SNTG1: variants seen among roughly 807,000 people sequenced by gnomAD.
The protein encoded by SNTG1 is gamma-1-syntrophin.
A neutral mutation model predicts 74.7 loss-of-function variants in SNTG1; 39 were observed. That is an observed-to-expected ratio of 0.52 (90% CI 0.40 to 0.68). The LOEUF is 0.68. Among genes scored for constraint, SNTG1 ranks in the 30% least tolerant of loss-of-function variants. The pLI is 0.00. For synonymous variants in SNTG1, 254 were observed against 217.1 expected, an observed-to-expected ratio of 1.17 and a Z score of -1.49; for missense variants, 685 against 609.5, an observed-to-expected ratio of 1.12 and a Z score of -1.30.
intron 18 of SNTG1, among the ~76,000 whole-genome samples, chr8:50,776,359 T>TG (rs899381969): frequency 4.7e-5 from 7 of 148,632 alleles, no homozygotes; most frequent in Non-Finnish European, 1.5e-5. Context: ...CCTTAACATA[T>TG]TTTAAGTCTC....
chr8:50,013,622 A>G (rs1257088176), intron 1 of SNTG1, among the ~76,000 whole-genome samples: 2 of 152,054 alleles, frequency 1.3e-5, no homozygotes, highest in African/African-American at 4.8e-5. Flanking sequence ...TTTTAAACTA[A>G]CACATAATAA....
rs552576414 is a variant in SNTG1, at chr8:50,514,680, C to T, written c.466+11800C>T. On this transcript the variant is annotated intron_variant, in intron 9 of 18. Transcript: ENST00000642720. Reference sequence around the variant, plus strand: ...TATTAGGGAGAATATTTTGTGTACACATAAGAAGAATGTATATTTTATTAT... The same window carrying T: ...TATTAGGGAGAATATTTTGTGTACATATAAGAAGAATGTATATTTTATTAT... Among the ~76,000 whole-genome samples the T allele has an allele frequency of 3.3e-5, 5 of 152,254 alleles. No homozygotes were observed. The East Asian group carries it at 5.8e-4, about 18-fold the overall frequency.
At chr8:50,177,150 CTTG>C (rs1397174269) in intron 2 of SNTG1, among the ~76,000 whole-genome samples, 2 of 152,292 alleles carry the variant, frequency 1.3e-5, no homozygotes, top group African/African-American at 4.8e-5. Context: ...TCTCATAAAT[CTTG>C]TTGTGTTAAA....
chr8:49,982,409 A>G (rs1812763625), intron 1 of SNTG1, among the ~76,000 whole-genome samples: 1 of 152,118 alleles, frequency 6.6e-6, no homozygotes, highest in Non-Finnish European at 1.5e-5. Context: ...CTGGAAATAC[A>G]AAAGAATTCT....
chr8:50,376,750 T>G (rs200491026), intron 2 of SNTG1, among the ~76,000 whole-genome samples: 5,921 of 102,438 alleles, frequency 0.058, 185 homozygotes, highest in South Asian at 0.094. Flanking sequence ...TATATATATA[T>G]ATATATAGAG....
chr8:50,454,915 T>C (rs1047499743), intron 8 of SNTG1, among the ~76,000 whole-genome samples: 1 of 151,916 alleles, frequency 6.6e-6, no homozygotes, highest in Non-Finnish European at 1.5e-5. Context: ...GGCTGAGTAC[T>C]TTGTGTGATA....
Position 50,143,237 on chromosome 8 carries a change from T to C in SNTG1, c.-102-29324T>C, listed in dbSNP as rs1392395974. 1.3e-5 allele frequency among the ~76,000 whole-genome samples: 2 copies of C among 152,180 alleles called. 1 individual carries two copies. The highest frequency in any genetic ancestry group is 2.9e-5 in the Non-Finnish European group (2 of 68,022). ...GGACATTTGTTTACATGTTTCTGAT[T>C]TCCAATACTCACAATAATATCACTT... On this transcript the variant is annotated intron_variant, in intron 1 of 18. Coordinates refer to ENST00000642720, the MANE Select transcript of SNTG1 (RefSeq NM_018967.5).
intron 13 of SNTG1, among the ~76,000 whole-genome samples, chr8:50,600,728 T>C (rs2392702): frequency 0.1 from 15,866 of 152,034 alleles, 2,040 homozygotes; most frequent in African/African-American, 0.29. Context: ...TTTATCTGTT[T>C]AAAAAACAAC....
Position 50,792,752 on chromosome 8 carries a change from C to CA in SNTG1, c.1477_1478insA (p.Leu493HisfsTer29). 6.2e-7 allele frequency: 1 copy of CA among 1,612,684 alleles called. No homozygotes were observed. The highest frequency in any genetic ancestry group is 1.7e-4 in the Middle Eastern group (1 of 6,054). On this transcript the variant is annotated frameshift_variant, in exon 19 of 19. Transcript: ENST00000642720. LOFTEE classifies it high-confidence loss of function. ...TGCCAAGGTAGCTTGTTTGGACCCT[C>CA]TATTTTTAGGCAATCAAGCTACTGC...
chr8:50,320,544 T>TA (rs2090487035), intron 2 of SNTG1, among the ~76,000 whole-genome samples: 1 of 151,868 alleles, frequency 6.6e-6, no homozygotes, highest in Admixed American at 6.6e-5. Context: ...ATTGTTTTTT[T>TA]TTACTACTTT....
At chr8:50,160,966 G>C (rs1298929838) in intron 1 of SNTG1, among the ~76,000 whole-genome samples, 1 of 152,116 alleles carries the variant, frequency 6.6e-6, no homozygotes. Flanking sequence ...ACCAATGAGA[G>C]GGACCACTGC....
At position 50,100,326 on chromosome 8, in the gene SNTG1, TA is replaced by T. The variant is rs545045923; in HGVS notation, c.-102-72232del. Among the ~76,000 whole-genome samples the T allele has an allele frequency of 3.3e-4, 50 of 152,142 alleles. No homozygotes were observed. In the East Asian group the frequency reaches 8.5e-3, roughly 26 times the overall value. ...TTATTAAAGGATGCAAAATTACAAC[TA>T]AATAGAAAGAACAAGTTCTAGTGTT... On this transcript the variant is annotated intron_variant, in intron 1 of 18. Transcript: ENST00000642720.
intron 2 of SNTG1, among the ~76,000 whole-genome samples, chr8:50,331,992 A>G (rs2090983684): frequency 6.6e-6 from 1 of 152,238 alleles, no homozygotes; most frequent in South Asian, 2.1e-4. Context: ...AAATTATAGT[A>G]TCAGCAAATG....
At chr8:50,779,178 C>T (rs560672919) in intron 18 of SNTG1, among the ~76,000 whole-genome samples, 1 of 152,220 alleles carries the variant, frequency 6.6e-6, no homozygotes, top group South Asian at 2.1e-4. Flanking sequence ...ATGGACTTCG[C>T]AATGCGAGCT....
chr8:50,072,593 G>A, intron 1 of SNTG1, among the ~76,000 whole-genome samples: 1 of 152,070 alleles, frequency 6.6e-6, no homozygotes, highest in East Asian at 1.9e-4. Context: ...ATACTTTATT[G>A]TTAATAAAGT....
chr8:50,402,340 C>G lies in SNTG1; in HGVS notation c.158C>G (p.Ser53Cys), dbSNP rs2092817491. 1 of 1,590,222 alleles carries G rather than the reference C, an allele frequency of 6.3e-7. No homozygotes were observed. Among genetic ancestry groups the G allele is most frequent in the Non-Finnish European group, 8.5e-7 (1 of 1,173,926 alleles). ...TGTGTGTCTGGTGAGCCTTTCTATTCTGGTGTAAGTAGCTTTTTCTTCTGT... is the reference window on the plus strand; with the variant it reads ...TGTGTGTCTGGTGAGCCTTTCTATTGTGGTGTAAGTAGCTTTTTCTTCTGT... ...VICVSGEPFYSGERTVTIRRQ... is the reference protein window; with the variant it reads ...VICVSGEPFYCGERTVTIRRQ... The change falls in exon 4 of 19, where the codon TCT becomes TGT. Residue 53 changes from serine to cysteine, a missense_variant. By Grantham distance (112) the Ser-to-Cys change is moderately radical (BLOSUM62 -1). Transcript: ENST00000642720.
rs2130403132 is a variant in SNTG1 at position 50,536,765 on chromosome 8, C to T, written c.637C>T (p.His213Tyr). The T allele has an allele frequency of 6.2e-7, 1 of 1,614,034 alleles. No individual in the cohort carries two copies. The highest frequency in any genetic ancestry group is 8.5e-7 in the Non-Finnish European group (1 of 1,179,886). ...CGACCTCAGACTGATCCCTCTACTT[C>T]ATTCGCGCTTCTCTCAGTATGTGCC... ...WCDLRLIPLL[H>Y]SRFSQYVPGT... Residue 213 changes from histidine to tyrosine, a missense_variant, in exon 11 of 19, where the codon CAT (histidine) becomes TAT (tyrosine). Physicochemically the swap from His to Tyr is moderately conservative, Grantham distance 83. Transcript: ENST00000642720.
chr8:49,967,569 T>A (rs993553), intron 1 of SNTG1, among the ~76,000 whole-genome samples: 35,386 of 144,478 alleles, frequency 0.24, 9,064 homozygotes, highest in African/African-American at 0.65. Context: ...AACTTTGTTT[T>A]AATTCGAATT....
chr8:50,590,985 A>G (rs2094688207), intron 13 of SNTG1, 68 bp downstream of exon 13: 1 of 1,109,742 alleles, frequency 9.0e-7, no homozygotes, highest in African/African-American at 1.6e-5. Flanking sequence ...ATAGAAGATA[A>G]CGTTACCTGA....
Sources: allele counts gnomAD v4.1 joint callset (sites outside exome capture counted in the v4.1 genomes callset), GRCh38; gene constraint gnomAD v4.1.1; transcripts MANE v1.5; gene names NCBI Gene and HGNC (gene_info 2026-07-23, HGNC 2026-07-21).